The following PTOV1 variants were observed in gnomAD, a reference collection of about 807,000 sequenced individuals.
PTOV1 encodes the protein prostate tumor-overexpressed gene 1 protein.
In PTOV1, 20 loss-of-function variants were observed where a neutral mutation model predicts 58.0. The ratio of observed to expected loss-of-function variants is 0.34; its 90% confidence interval spans 0.24 to 0.50. PTOV1 has a LOEUF of 0.50. Among genes scored for constraint, PTOV1 ranks in the 20% least tolerant of loss-of-function variants. The pLI, the probability that PTOV1 is intolerant of heterozygous loss-of-function variation, is 0.98. For synonymous variants in PTOV1, 335 were observed against 234.2 expected (o/e 1.43, Z -3.93); for missense variants, 593 against 565.4 (o/e 1.05, Z -0.50).
At chr19:49,854,058 C>T (rs1383863079) in intron 1 of PTOV1, among the ~76,000 whole-genome samples, 1 of 152,216 alleles carries the variant, frequency 6.6e-6, no homozygotes, top group Non-Finnish European at 1.5e-5. Flanking sequence ...CGGGGAAAGC[C>T]CCCTACAGCT....
Position 49,855,083 on chromosome 19 carries a change from T to C in PTOV1, c.558+6T>C, listed in dbSNP as rs1600374371. On this transcript the variant is annotated splice_donor_region_variant and intron_variant, in intron 5 of 11. Coordinates refer to ENST00000391842, the Ensembl canonical transcript of PTOV1. ...GCATCATGGGCAACGGCTTCGTGAG[T>C]GGGGCGGGCTCCCTTGTAGCACTGT... 1.3e-6 allele frequency: 2 copies of C among 1,579,092 alleles called. No homozygotes were observed. The highest frequency in any genetic ancestry group is 1.7e-6 in the Non-Finnish European group (2 of 1,160,966).
chr19:49,859,553 CAA>C (rs1291420686), intron 10 of PTOV1, among the ~76,000 whole-genome samples: 3 of 149,598 alleles, frequency 2.0e-5, no homozygotes, highest in Non-Finnish European at 4.4e-5. Flanking sequence ...GCCTGGGCGA[CAA>C]GAGCGAAACT....
Position 49,851,376 on chromosome 19 carries a change from C to A in PTOV1, c.48C>A (p.Pro16=), listed in dbSNP as rs922450274. The A allele has an allele frequency of 5.3e-5, 61 of 1,145,570 alleles. No individual in the cohort carries two copies. The Middle Eastern group carries it at 1.1e-3, about 21-fold the overall frequency. The allele number at this position is 1,145,570 out of a possible 1,614,324, so 71.0% of individuals were successfully genotyped here. The change falls in exon 1 of 12, where the codon CCC becomes CCA. Residue 16 remains proline, a synonymous_variant. Transcript: ENST00000391842. ...CGTACCGCTCCGGCGCCGGGGGCCC[C>A]CTCGGGGGTCGCGGCCGCCCTCCGC...
At chr19:49,860,377 C>T (rs973507631) in exon 12 of PTOV1, 16 of 761,318 alleles carry the variant, frequency 2.1e-5, no homozygotes, top group Middle Eastern at 3.9e-4. Flanking sequence ...GACCCTGGGG[C>T]ATGTGGGGGG....
At chr19:49,853,495 A>T (rs991027407) in intron 1 of PTOV1, among the ~76,000 whole-genome samples, 14 of 63,432 alleles carry the variant, frequency 2.2e-4, no homozygotes, top group African/African-American at 7.9e-4. Flanking sequence ...ATCTCTACTA[A>T]AAAAAAAAAA....
chr19:49,854,410 G>A (rs2074371726), exon 2 of PTOV1: 1 of 1,609,814 alleles, frequency 6.2e-7, no homozygotes, highest in Non-Finnish European at 8.5e-7. Flanking sequence ...TTGCAGGAAG[G>A]TGCTCGGGTC....
chr19:49,857,677 C>T lies in PTOV1; in HGVS notation c.715-16C>T, dbSNP rs370634055. ...GGAGCCTGGGCCCCTCTTCCCACCC[C>T]GTTCCCTTCCAACAGGCAGTGGGAC... On this transcript the variant is annotated splice_polypyrimidine_tract_variant and intron_variant, in intron 6 of 11. Transcript: ENST00000391842. The T allele has an allele frequency of 1.2e-5, 20 of 1,611,570 alleles. No individual in the cohort carries two copies. Among genetic ancestry groups the T allele is most frequent in the African/African-American group, 1.1e-4 (8 of 74,906 alleles).
chr19:49,850,981 C>T (rs1355615788), upstream of PTOV1: 2 of 1,535,176 alleles, frequency 1.3e-6, no homozygotes, highest in African/African-American at 2.7e-5. Flanking sequence ...CCCGCCACGC[C>T]CCCTGAAGTT....
At chr19:49,850,886 G>C, upstream of PTOV1, 1 of 1,535,784 alleles carries the variant, frequency 6.5e-7, no homozygotes, top group South Asian at 1.2e-5. Context: ...TCCGGATGAG[G>C]TCTCCCGCCG....
In PTOV1 at chr19:49,854,762, C is replaced by T. The variant is rs765279767; in HGVS notation, c.392+28C>T. The T allele has an allele frequency of 5.5e-5, 89 of 1,613,100 alleles. No individual in the cohort carries two copies. The South Asian group carries it at 7.5e-4, about 14-fold the overall frequency. On this transcript the variant is annotated intron_variant, in intron 3 of 11. Coordinates refer to ENST00000391842, the Ensembl canonical transcript of PTOV1. ...GAGTGCCGGGGCGTGGCAGCCAGGGCGGTGGCAGGGGCAGTGGCTGTGGCC... is the reference window on the plus strand; with the variant it reads ...GAGTGCCGGGGCGTGGCAGCCAGGGTGGTGGCAGGGGCAGTGGCTGTGGCC...
At chr19:49,855,427 C>G in intron 5 of PTOV1, 1 of 321,690 alleles carries the variant, frequency 3.1e-6, no homozygotes, top group Non-Finnish European at 6.0e-6. Context: ...GTGCTAGGCA[C>G]AAGAGCCAGC....
intron 1 of PTOV1, chr19:49,851,726 C>T: frequency 9.8e-7 from 1 of 1,015,634 alleles, no homozygotes; most frequent in Non-Finnish European, 1.2e-6. Flanking sequence ...GGGACGGGGG[C>T]GGGGCGGGCT....
intron 5 of PTOV1, 56 bp downstream of exon 5, chr19:49,855,133 CGCTCT>C: frequency 6.8e-7 from 1 of 1,481,354 alleles, no homozygotes; most frequent in Non-Finnish European, 9.2e-7. Context: ...CTGGAGGCAG[CGCTCT>C]GCTCACACAG....
intron 10 of PTOV1, 116 bp downstream of exon 10, chr19:49,858,769 A>C: frequency 2.2e-6 from 2 of 891,328 alleles, no homozygotes; most frequent in Non-Finnish European, 3.5e-6. Flanking sequence ...CCAGCTGGGG[A>C]GAGAGGGTGG....
At chr19:49,852,009 G>A in intron 1 of PTOV1, 1 of 985,518 alleles carries the variant, frequency 1.0e-6, no homozygotes, top group Non-Finnish European at 1.2e-6. Flanking sequence ...CCCACATGTG[G>A]GATGCTTTGA....
rs1228742910 is a variant in PTOV1 at position 49,858,127 on chromosome 19, GGCCGGGTGCTGGAGCCTGCAC to G, written c.936+16_936+36del. The stretch of plus-strand genomic sequence containing the variant: ...GCAGCAGCTGCTGGTGAGGGGCTGG[GGCCGGGTGCTGGAGCCTGCAC>G]GCAGTAGCTCTTCCAGAGGGCGGGG... On this transcript the variant is annotated intron_variant, in intron 9 of 11. Transcript: ENST00000391842. 1 of 1,612,160 alleles carries G rather than the reference GGCCGGGTGCTGGAGCCTGCAC, an allele frequency of 6.2e-7. No homozygotes were observed. Among genetic ancestry groups the G allele is most frequent in the Admixed American group, 1.7e-5 (1 of 59,976 alleles).
chr19:49,854,999 C>A, exon 5 of PTOV1: 5 of 1,600,014 alleles, frequency 3.1e-6, no homozygotes, highest in Non-Finnish European at 4.3e-6. Context: ...TCCGGAACTC[C>A]CAGTTGGCAC....
intron 1 of PTOV1, 100 bp from the exon 2 acceptor site, chr19:49,854,305 TG>T (rs1458471061): frequency 6.8e-7 from 1 of 1,469,748 alleles, no homozygotes. Context: ...GCAGGGGATT[TG>T]GGGCTGAATA....
chr19:49,851,183 C>T lies in PTOV1; in HGVS notation c.-146C>T, dbSNP rs1600348421. 16 of 1,224,702 alleles carry T rather than the reference C, an allele frequency of 1.3e-5. No homozygotes were observed. In the South Asian group the frequency reaches 3.3e-4, roughly 25 times the overall value. 75.9% of individuals were successfully genotyped at this position (1,224,702 alleles called of 1,614,324 possible). ...CAGTGGTTCGGCCGCGGCGACCCCACTCCGGCGGCGCGTCCCCCGAGCTTG... is the reference window on the plus strand; with the variant it reads ...CAGTGGTTCGGCCGCGGCGACCCCATTCCGGCGGCGCGTCCCCCGAGCTTG... On this transcript the variant is annotated 5_prime_UTR_variant, in exon 1 of 12. Coordinates refer to ENST00000391842, the Ensembl canonical transcript of PTOV1.
Sources: allele counts gnomAD v4.1 joint callset (sites outside exome capture counted in the v4.1 genomes callset), GRCh38; gene constraint gnomAD v4.1.1; transcripts MANE v1.5; gene names NCBI Gene and HGNC (gene_info 2026-07-23, HGNC 2026-07-21).